CCDC40: variants seen among roughly 807,000 people sequenced by gnomAD.
CCDC40 encodes the protein coiled-coil domain 40 molecular ruler complex subunit.
CCDC40 carries 104 observed loss-of-function variants against 124.5 expected under a neutral mutation model. That is an observed-to-expected ratio of 0.84 (90% CI 0.71 to 0.98). The LOEUF is 0.98. Among genes scored for constraint, CCDC40 ranks in the 50% least tolerant of loss-of-function variants. The pLI is 0.00. For synonymous variants in CCDC40, 580 were observed against 602.9 expected (o/e 0.96, Z 0.56); for missense variants, 1,463 against 1,503.9 (o/e 0.97, Z 0.45).
intron 7 of CCDC40, among the ~76,000 whole-genome samples, chr17:80,057,890 A>T (rs893807999): frequency 6.7e-6 from 1 of 149,156 alleles, no homozygotes; most frequent in Non-Finnish European, 1.5e-5. Context: ...AAAAAAAAAG[A>T]AATCCATCTC....
intron 17 of CCDC40, among the ~76,000 whole-genome samples, chr17:80,092,647 G>C (rs2038743300): frequency 6.6e-6 from 1 of 152,130 alleles, no homozygotes; most frequent in Non-Finnish European, 1.5e-5. Context: ...GTTTCGCTCT[G>C]TCACCCGGGC....
intron 7 of CCDC40, among the ~76,000 whole-genome samples, chr17:80,057,098 GA>G (rs2037768336): frequency 6.6e-6 from 1 of 151,536 alleles, no homozygotes; most frequent in Non-Finnish European, 1.5e-5. Flanking sequence ...AATTACTTTG[GA>G]ATTTAGCTAC....
At chr17:80,056,016 A>ATATATATATATATATTTTTTTTTT (rs71163913) in intron 7 of CCDC40, among the ~76,000 whole-genome samples, 4 of 10,250 alleles carry the variant, frequency 3.9e-4, no homozygotes, top group South Asian at 6.4e-3. Context: ...ATATATATAT[A>ATATATATATATATATTTTTTTTTT]TTTTTTTTTT....
intron 19 of CCDC40, among the ~76,000 whole-genome samples, chr17:80,098,669 TG>T (rs1434276966): frequency 6.6e-6 from 1 of 152,162 alleles, no homozygotes; most frequent in Non-Finnish European, 1.5e-5. Context: ...CCGGGCACGG[TG>T]GCTCATGCCT....
At chr17:80,055,654 G>C (rs1172151431) in intron 7 of CCDC40, among the ~76,000 whole-genome samples, 1 of 151,970 alleles carries the variant, frequency 6.6e-6, no homozygotes, top group African/African-American at 2.4e-5. Context: ...GATGTTTTGG[G>C]TGAACTTAAA....
chr17:80,040,319 G>A, intron 3 of CCDC40, 49 bp downstream of exon 3: 1 of 1,540,406 alleles, frequency 6.5e-7, no homozygotes, highest in Non-Finnish European at 8.9e-7. Context: ...CGGCCCACGG[G>A]GTTTGTCACC....
At chr17:80,075,690 G>A (rs1276340818) in intron 10 of CCDC40, among the ~76,000 whole-genome samples, 1 of 152,044 alleles carries the variant, frequency 6.6e-6, no homozygotes, top group Non-Finnish European at 1.5e-5. Context: ...TGTTAGCTAG[G>A]CTGGTCTCGA....
chr17:80,072,246 C>A (rs969997216), intron 10 of CCDC40, among the ~76,000 whole-genome samples: 4 of 152,070 alleles, frequency 2.6e-5, no homozygotes, highest in African/African-American at 4.8e-5. Context: ...TGCTGATCTA[C>A]GGAGTTTTTA....
In CCDC40 at chr17:80,047,353, G is replaced by A; in HGVS notation, c.627G>A (p.Gly209=). ...GVQHRFRLSH[G]SDIESSDLEE... ...AGCACCGCTTCCGGCTGAGCCACGG[G>A]AGCGACATCGAGTCCTCAGACCTGG... The change falls in exon 4 of 20, where the codon GGG becomes GGA. Residue 209 remains glycine, a synonymous_variant. Coordinates refer to ENST00000397545, the MANE Select transcript of CCDC40 (RefSeq NM_017950.4). The A allele has an allele frequency of 1.2e-6, 2 of 1,613,750 alleles. No individual in the cohort carries two copies. The highest frequency in any genetic ancestry group is 1.7e-6 in the Non-Finnish European group (2 of 1,179,878).
At chr17:80,097,942 AAAGAAAAG>A (rs1040018717) in intron 19 of CCDC40, 3 of 107,036 alleles carry the variant, frequency 2.8e-5, no homozygotes, top group East Asian at 4.8e-4. Context: ...AAAGAAAAGA[AAAGAAAAG>A]AAAAAGGGAA....
chr17:80,093,543 C>T (rs1411270770), intron 17 of CCDC40, among the ~76,000 whole-genome samples: 2 of 147,482 alleles, frequency 1.4e-5, no homozygotes, highest in Admixed American at 6.8e-5. Flanking sequence ...GAAACAGTCT[C>T]GCTCTGTTGC....
At position 80,087,847 on chromosome 17, in the gene CCDC40, G is replaced by A. The variant is rs906713260; in HGVS notation, c.2619+71G>A. 11 of 1,438,728 alleles carry A rather than the reference G, an allele frequency of 7.6e-6. No homozygotes were observed. Among genetic ancestry groups the A allele is most frequent in the Admixed American group, 5.0e-5 (3 of 59,800 alleles). The allele number at this position is 1,438,728 out of a possible 1,614,324, so 89.1% of individuals were successfully genotyped here. On this transcript the variant is annotated intron_variant, in intron 15 of 19. Coordinates refer to ENST00000397545, the MANE Select transcript of CCDC40 (RefSeq NM_017950.4). The surrounding 1 kb of genome is among the most constrained non-coding windows in gnomAD (Gnocchi z 4.5). ...CGGGGGTACGGTCCTTGCGGTGGGC[G>A]TTCTGCACCAGGATGTAATTTCCAC...
intron 18 of CCDC40, 77 bp downstream of exon 18, chr17:80,095,528 G>C: frequency 1.4e-6 from 2 of 1,411,460 alleles, no homozygotes; most frequent in Non-Finnish European, 9.8e-7. Context: ...AAGGCGTCTT[G>C]CTGGGTCCGG....
chr17:80,065,730 G>T, intron 10 of CCDC40, 124 bp downstream of exon 10: 2 of 1,332,374 alleles, frequency 1.5e-6, no homozygotes, highest in Non-Finnish European at 2.1e-6. Context: ...CTTGATCCCC[G>T]GGTCCGGGCT....
At position 80,086,101 on chromosome 17, in the gene CCDC40, G is replaced by T; in HGVS notation, c.2334G>T (p.Leu778=). 6.2e-7 allele frequency: 1 copy of T among 1,614,168 alleles called. No homozygotes were observed. The highest frequency in any genetic ancestry group is 8.5e-7 in the Non-Finnish European group (1 of 1,180,026). ...GKAVQAQVTW[L]RLQQEMVKVT... Reference sequence around the variant, plus strand: ...CGGTCCAGGCCCAGGTGACCTGGCTGCGCCTGCAGCAGGAGATGGTCAAGG... The same window carrying T: ...CGGTCCAGGCCCAGGTGACCTGGCTTCGCCTGCAGCAGGAGATGGTCAAGG... The change falls in exon 14 of 20, where the codon CTG becomes CTT. Residue 778 remains leucine, a synonymous_variant. Coordinates refer to ENST00000397545, the MANE Select transcript of CCDC40 (RefSeq NM_017950.4). The surrounding 1 kb of genome is among the most constrained non-coding windows in gnomAD (Gnocchi z 5.5).
At chr17:80,052,005 C>T (rs2037611284) in intron 7 of CCDC40, among the ~76,000 whole-genome samples, 1 of 152,380 alleles carries the variant, frequency 6.6e-6, no homozygotes, top group South Asian at 2.1e-4. Flanking sequence ...CCGTCTCTGC[C>T]TTCTCAGAAC....
Position 80,086,332 on chromosome 17 carries a change from A to G in CCDC40, c.2449+116A>G. 1.2e-6 allele frequency: 1 copy of G among 828,028 alleles called. No individual in the cohort carries two copies. Among genetic ancestry groups the G allele is most frequent in the Middle Eastern group, 3.4e-4 (1 of 2,950 alleles). 51.3% of individuals were successfully genotyped at this position (828,028 alleles called of 1,614,324 possible). A position where few individuals can be genotyped will look rare whatever the true frequency, so the allele number is the denominator to read the frequency against. On this transcript the variant is annotated intron_variant, in intron 14 of 19. Transcript: ENST00000397545. This position sits in a 1 kb window ranked among gnomAD's most constrained non-coding sequence, Gnocchi z 5.5. ...GTCGCTGGATTTGCACGCAGCCTTA[A>G]AAGCAAATAACAAACGCGCATGCTC... is the stretch of plus-strand genomic sequence containing the variant.
In CCDC40 at chr17:80,095,356, G is replaced by C. The variant is rs761440789; in HGVS notation, c.2926G>C (p.Glu976Gln). The C allele has an allele frequency of 9.9e-6, 16 of 1,614,004 alleles. 1 individual carries two copies. The South Asian group carries it at 1.8e-4, about 18-fold the overall frequency. Reference protein sequence around the residue: ...ARRETVTTQAEGQRKMDRKAL... With the variant: ...ARRETVTTQAQGQRKMDRKAL... ...CAGAGAGACCGTCACCACCCAGGCC[G>C]AGGGGCAGCGCAAGATGGACAGGAA... Residue 976 changes from glutamate to glutamine, a missense_variant, in exon 18 of 20, where the codon GAG becomes CAG. By Grantham distance (29) the Glu-to-Gln change is conservative. Coordinates refer to ENST00000397545, the MANE Select transcript of CCDC40 (RefSeq NM_017950.4).
At chr17:80,039,294 G>C (rs983480158) in intron 2 of CCDC40, among the ~76,000 whole-genome samples, 1 of 152,062 alleles carries the variant, frequency 6.6e-6, no homozygotes, top group Non-Finnish European at 1.5e-5. Context: ...TTGAACCCAG[G>C]AGGTGGAAGT....
Sources: allele counts gnomAD v4.1 joint callset (sites outside exome capture counted in the v4.1 genomes callset), GRCh38; gene constraint gnomAD v4.1.1; non-coding constraint Gnocchi (gnomAD v3.1); transcripts MANE v1.5; gene names NCBI Gene and HGNC (gene_info 2026-07-23, HGNC 2026-07-21).